The following KLHL13 variants were observed in gnomAD, a reference collection of about 807,000 sequenced individuals.
The protein encoded by KLHL13 is kelch-like protein 13.
In KLHL13, 10 loss-of-function variants were observed where a neutral mutation model predicts 37.1. The observed-to-expected ratio is 0.27, with a 90% CI of 0.17 to 0.46. The LOEUF (loss-of-function observed/expected upper bound fraction) is 0.46. Among genes scored for constraint, KLHL13 ranks in the 20% least tolerant of loss-of-function variants. The pLI, the probability that KLHL13 is intolerant of heterozygous loss-of-function variation, is 1.00. For missense variants in KLHL13, 360 were observed against 509.3 expected (o/e 0.71, Z 2.82); for synonymous variants, 163 against 181.2 (o/e 0.90, Z 0.81).
At chrX:118,076,749 A>G (rs763537755) in intron 1 of KLHL13, among the ~76,000 whole-genome samples, 2 of 111,064 alleles carry the variant, frequency 1.8e-5, no homozygotes, top group African/African-American at 6.5e-5. Flanking sequence ...ACCCCCAAAC[A>G]AGAAGACTGC....
intron 1 of KLHL13, chrX:117,947,491 A>G (rs1012945283): frequency 1.8e-5 from 2 of 112,079 alleles, no homozygotes; most frequent in African/African-American, 3.2e-5. Flanking sequence ...CATTGCCACA[A>G]TGACATATCC....
At chrX:117,943,596 C>A (rs1159558975) in intron 2 of KLHL13, among the ~76,000 whole-genome samples, 3 of 107,834 alleles carry the variant, frequency 2.8e-5, no homozygotes, top group Non-Finnish European at 5.7e-5. Context: ...TCTCTGATAT[C>A]CTTTCTTCTG....
chrX:118,111,953 A>C (rs1409552358), intron 1 of KLHL13, among the ~76,000 whole-genome samples: 1 of 112,052 alleles, frequency 8.9e-6, no homozygotes, highest in East Asian at 2.8e-4. Context: ...TAATTCATGT[A>C]ATCTTTGCAA....
At chrX:118,116,003 C>T (rs2055463987) in intron 1 of KLHL13, among the ~76,000 whole-genome samples, 2 of 112,215 alleles carry the variant, frequency 1.8e-5, no homozygotes, top group South Asian at 7.3e-4. Flanking sequence ...ACATTCAGAG[C>T]TAAGTTAAAA....
chrX:118,070,746 TTTTA>T (rs199522673), intron 1 of KLHL13, among the ~76,000 whole-genome samples: 68 of 107,258 alleles, frequency 6.3e-4, no homozygotes, highest in African/African-American at 2.1e-3. Context: ...TTTTAAATAT[TTTTA>T]TTTATTTATT....
At chrX:117,897,917 A>T (rs1929836336) in exon 7 of KLHL13, 1 of 112,298 alleles carries the variant, frequency 8.9e-6, no homozygotes, top group Non-Finnish European at 1.9e-5. Flanking sequence ...TGTGCTAAAT[A>T]ACCTTATGAA....
intron 1 of KLHL13, among the ~76,000 whole-genome samples, chrX:117,950,523 T>C (rs927032604): frequency 1.8e-5 from 2 of 111,803 alleles, no homozygotes; most frequent in African/African-American, 6.5e-5. Context: ...AAGTATAATA[T>C]AGATATTTCA....
intron 1 of KLHL13, among the ~76,000 whole-genome samples, chrX:118,101,764 T>C (rs1049342440): frequency 6.3e-5 from 7 of 111,076 alleles, no homozygotes; most frequent in South Asian, 3.8e-4. Flanking sequence ...CATGCTGTTC[T>C]CGTGATAGTT....
At chrX:117,980,103 A>G (rs1013531186) in intron 1 of KLHL13, among the ~76,000 whole-genome samples, 1 of 112,027 alleles carries the variant, frequency 8.9e-6, no homozygotes, top group African/African-American at 3.2e-5. Context: ...GTAGCATCAA[A>G]TATAGAAGCA....
chrX:118,106,447 A>T (rs1375098956), intron 1 of KLHL13, among the ~76,000 whole-genome samples: 1 of 112,002 alleles, frequency 8.9e-6, no homozygotes, highest in Non-Finnish European at 1.9e-5. Context: ...TTTCTAAAAA[A>T]TATATAAATT....
rs2465940 is a variant in KLHL13, at chrX:118,006,509, T to C, written c.-55-60934A>G. 9.5e-3 allele frequency among the ~76,000 whole-genome samples: 1,062 copies of C among 111,639 alleles called. 12 individuals carry two copies. The highest frequency in any genetic ancestry group is 0.031 in the African/African-American group (963 of 30,756). ...TACATTTGAGAGGGTTAACACTATC[T>C]CTACAATCTTTTCCTCTCTAAAAAA... is the stretch of plus-strand genomic sequence containing the variant. On this transcript the variant is annotated intron_variant, in intron 1 of 6. Transcript: ENST00000371882.
At chrX:118,080,980 C>T (rs1005086043) in intron 1 of KLHL13, among the ~76,000 whole-genome samples, 9 of 111,405 alleles carry the variant, frequency 8.1e-5, no homozygotes, top group African/African-American at 2.3e-4. Flanking sequence ...TGCAGCTAGA[C>T]GCCATAATCA....
intron 1 of KLHL13, among the ~76,000 whole-genome samples, chrX:118,052,501 G>A (rs1294068827): frequency 2.1e-5 from 2 of 96,378 alleles, no homozygotes; most frequent in Non-Finnish European, 4.1e-5. Flanking sequence ...CAGCCTGGGC[G>A]ACAGAGCAAG....
intron 1 of KLHL13, among the ~76,000 whole-genome samples, chrX:117,994,877 G>A (rs1039972979): frequency 5.4e-5 from 6 of 111,199 alleles, no homozygotes; most frequent in Non-Finnish European, 1.1e-4. Flanking sequence ...ACAACATAGT[G>A]AGACTTCATC....
At chrX:117,975,169 G>T (rs2147911353), upstream of KLHL13, among the ~76,000 whole-genome samples, 1 of 102,265 alleles carries the variant, frequency 9.8e-6, no homozygotes. Flanking sequence ...CAAAGAAGGA[G>T]AAATACATAC....
chrX:118,037,591 T>C (rs1441784017), intron 1 of KLHL13, among the ~76,000 whole-genome samples: 3 of 105,687 alleles, frequency 2.8e-5, no homozygotes, highest in Admixed American at 1.0e-4. Flanking sequence ...CTGGGGACTG[T>C]TGTGGGGTGG....
At chrX:118,052,355 A>G (rs2054624287) in intron 1 of KLHL13, among the ~76,000 whole-genome samples, 1 of 106,416 alleles carries the variant, frequency 9.4e-6, no homozygotes, top group South Asian at 4.2e-4. Context: ...CTACTAAAAA[A>G]AAAAAAAAAT....
At chrX:117,935,868 A>G (rs1331494959) in intron 2 of KLHL13, among the ~76,000 whole-genome samples, 2 of 111,551 alleles carry the variant, frequency 1.8e-5, no homozygotes, top group African/African-American at 6.5e-5. Context: ...GTGACTGCTA[A>G]CAAATATGGG....
intron 1 of KLHL13, among the ~76,000 whole-genome samples, chrX:118,000,430 G>A (rs769095137): frequency 8.2e-5 from 9 of 110,379 alleles, no homozygotes; most frequent in African/African-American, 3.1e-4. Context: ...GTATTTCCTT[G>A]CAAACAAAAT....
Sources: allele counts gnomAD v4.1 joint callset (sites outside exome capture counted in the v4.1 genomes callset), GRCh38; gene constraint gnomAD v4.1.1; transcripts MANE v1.5; gene names NCBI Gene and HGNC (gene_info 2026-07-23, HGNC 2026-07-21).